The following TBC1D16 variants were observed in gnomAD, a reference collection of about 807,000 sequenced individuals.
TBC1D16 encodes TBC1 domain family member 16.
In TBC1D16, 58 loss-of-function variants were observed where a neutral mutation model predicts 74.7. That is an observed-to-expected ratio of 0.78 (90% CI 0.63 to 0.97). The LOEUF (loss-of-function observed/expected upper bound fraction) is 0.97, where lower values mean the gene tolerates loss of function less well. TBC1D16 is among the 50% of genes least tolerant of loss of function. The probability of loss-of-function intolerance (pLI) is 0.00; values close to 1 mark genes in which losing one functional copy is unlikely to be tolerated. For synonymous variants in TBC1D16, 493 were observed against 474.7 expected, an observed-to-expected ratio of 1.04 and a Z score of -0.50; for missense variants, 1,014 against 1,079.5, an observed-to-expected ratio of 0.94 and a Z score of 0.85.
intron 3 of TBC1D16, among the ~76,000 whole-genome samples, chr17:79,991,211 GC>G (rs1281943099): frequency 6.6e-6 from 1 of 152,252 alleles, no homozygotes; most frequent in Admixed American, 6.5e-5. Context: ...GGCGGTCCCT[GC>G]GTCCACGCCG....
At position 79,960,779 on chromosome 17, in the gene TBC1D16, C is replaced by CAAAAAAAAAAAAAAAAAAA. The variant is rs746450905; in HGVS notation, c.780-7980_780-7962dup. Among the ~76,000 whole-genome samples, 76 of 33,942 alleles carry CAAAAAAAAAAAAAAAAAAA rather than the reference C, an allele frequency of 2.2e-3. 22 individuals carry two copies. The highest frequency in any genetic ancestry group is 3.1e-3 in the Admixed American group (6 of 1,914). 22.3% of individuals were successfully genotyped at this position (33,942 alleles called of 152,430 possible). A position where few individuals can be genotyped will look rare whatever the true frequency, so the allele number is the denominator to read the frequency against. ...CAAAAAAACCCAAAAAACAAAAACC[C>CAAAAAAAAAAAAAAAAAAA]AAAAAAAAAAAAAAAAAAAAAAAAA... On this transcript the variant is annotated intron_variant, in intron 3 of 11. Coordinates refer to ENST00000310924, the MANE Select transcript of TBC1D16 (RefSeq NM_019020.4).
rs2031477711 is a variant in TBC1D16, at chr17:79,934,735, C to G, written c.*6124G>C. The G allele has an allele frequency of 6.6e-6, 1 of 152,492 alleles. No individual in the cohort carries two copies. Among genetic ancestry groups the G allele is most frequent in the African/African-American group, 2.4e-5 (1 of 41,458 alleles). 9.4% of individuals were successfully genotyped at this position (152,492 alleles called of 1,614,324 possible). On this transcript the variant is annotated 3_prime_UTR_variant, in exon 12 of 12. Transcript: ENST00000310924. ...CATGTGGAGAGGAGGTGATGAGGCG[C>G]TCAGATGTCGAGGCCAAGGCCAGGT...
In TBC1D16 at chr17:80,018,106, G is replaced by A. The variant is rs373931709; in HGVS notation, c.-62-4497C>T. Among the ~76,000 whole-genome samples, 17 of 150,090 alleles carry A rather than the reference G, an allele frequency of 1.1e-4. No individual in the cohort carries two copies. In the East Asian group the frequency reaches 1.6e-3, roughly 14 times the overall value. ...AAGCCCTGCAAGAAAATTGCTCGCC[G>A]TCCTCTAGACCAGCCATGTCCAACA... On this transcript the variant is annotated intron_variant, in intron 1 of 11. Coordinates refer to ENST00000310924, the MANE Select transcript of TBC1D16 (RefSeq NM_019020.4).
intron 1 of TBC1D16, among the ~76,000 whole-genome samples, chr17:80,024,636 CCA>C (rs1491156360): frequency 6.4e-5 from 9 of 141,500 alleles, no homozygotes; most frequent in African/African-American, 1.1e-4. Context: ...AGCACACACA[CCA>C]CACACACCAT....
chr17:80,006,617 GCCCAGCCCCTTT>G (rs999838192), intron 3 of TBC1D16, among the ~76,000 whole-genome samples: 1 of 151,944 alleles, frequency 6.6e-6, no homozygotes, highest in Non-Finnish European at 1.5e-5. Flanking sequence ...TCCAGGGCTC[GCCCAGCCCCTTT>G]CAGAATCCAT....
intron 10 of TBC1D16, among the ~76,000 whole-genome samples, chr17:79,943,439 C>T (rs1255617154): frequency 6.6e-6 from 1 of 152,176 alleles, no homozygotes; most frequent in Non-Finnish European, 1.5e-5. Context: ...AGCCCCACCA[C>T]ATGCTGACAG....
At chr17:80,002,593 G>C (rs1349629214) in intron 3 of TBC1D16, among the ~76,000 whole-genome samples, 10 of 152,252 alleles carry the variant, frequency 6.6e-5, no homozygotes. Flanking sequence ...TGGACAGAGA[G>C]TTTTTCGGGC....
At chr17:79,996,854 T>G (rs746696563) in intron 3 of TBC1D16, among the ~76,000 whole-genome samples, 2 of 152,162 alleles carry the variant, frequency 1.3e-5, no homozygotes, top group Non-Finnish European at 2.9e-5. Flanking sequence ...ACATGAATGT[T>G]CCTAGTAGCT....
Position 79,949,802 on chromosome 17 carries a change from A to T in TBC1D16, c.1321T>A (p.Tyr441Asn). ...TCCGACGTGGACTCGTGGCTGTAAT[A>T]GCGCAGCAGGAAGGGCCAGACCTCC... Reference protein sequence around the residue: ...RGEVWPFLLRYYSHESTSEER... With the variant: ...RGEVWPFLLRNYSHESTSEER... The change falls in exon 7 of 12, where the codon TAT (tyrosine) becomes AAT (asparagine). Residue 441 changes from tyrosine to asparagine, a missense_variant. Transcript: ENST00000310924. 1 of 1,613,810 alleles carries T rather than the reference A, an allele frequency of 6.2e-7. No individual in the cohort carries two copies. Among genetic ancestry groups the T allele is most frequent in the South Asian group, 1.1e-5 (1 of 91,072 alleles).
At chr17:80,002,059 G>A (rs1181132661) in intron 3 of TBC1D16, among the ~76,000 whole-genome samples, 5 of 152,144 alleles carry the variant, frequency 3.3e-5, no homozygotes, top group Admixed American at 6.5e-5. Flanking sequence ...GAAAAGGAAC[G>A]GCAGGAAACG....
chr17:79,959,638 G>A (rs116389937), intron 3 of TBC1D16, among the ~76,000 whole-genome samples: 145 of 152,122 alleles, frequency 9.5e-4, no homozygotes, highest in African/African-American at 3.3e-3. Context: ...TTCAATAAAC[G>A]ATACTGGATC....
At chr17:80,024,902 C>T (rs1420432133) in intron 1 of TBC1D16, among the ~76,000 whole-genome samples, 1 of 15,094 alleles carries the variant, frequency 6.6e-5, no homozygotes, top group South Asian at 1.2e-3. Flanking sequence ...ACTGCATAAA[C>T]ATCACACACA....
chr17:79,981,921 GCA>G lies in TBC1D16; in HGVS notation c.779+28237_779+28238del, dbSNP rs138103832. Among the ~76,000 whole-genome samples the G allele has an allele frequency of 1.3e-5, 2 of 151,724 alleles. No homozygotes were observed. Among genetic ancestry groups the G allele is most frequent in the South Asian group, 2.1e-4 (1 of 4,806 alleles). On this transcript the variant is annotated intron_variant, in intron 3 of 11. Coordinates refer to ENST00000310924, the MANE Select transcript of TBC1D16 (RefSeq NM_019020.4). The surrounding 1 kb of genome is among the most constrained non-coding windows in gnomAD (Gnocchi z 6.9). ...GGCTTCCCTGTGCGCACACACACACGCACACACACACACATGCACATGTATTA... is the reference window on the plus strand; with the variant it reads ...GGCTTCCCTGTGCGCACACACACACGCACACACACACATGCACATGTATTA...
At chr17:80,028,535 G>GA (rs1289894784) in intron 1 of TBC1D16, among the ~76,000 whole-genome samples, 2 of 144,388 alleles carry the variant, frequency 1.4e-5, no homozygotes, top group African/African-American at 5.4e-5. Flanking sequence ...TCTCAAAAAA[G>GA]AAAAAGAAAA....
In TBC1D16 at chr17:80,009,009, C is replaced by T. The variant is rs2035779271; in HGVS notation, c.779+1151G>A. 6.6e-6 allele frequency among the ~76,000 whole-genome samples: 1 copy of T among 152,200 alleles called. No individual in the cohort carries two copies. Among genetic ancestry groups the T allele is most frequent in the Admixed American group, 6.5e-5 (1 of 15,286 alleles). ...CGGGCACTGGCTGGGAGACCCCTGG[C>T]AAGCTGCTGACCTTCTCCGAGCCGC... On this transcript the variant is annotated intron_variant, in intron 3 of 11. Coordinates refer to ENST00000310924, the MANE Select transcript of TBC1D16 (RefSeq NM_019020.4). The surrounding 1 kb of genome is among the most constrained non-coding windows in gnomAD (Gnocchi z 5.4).
intron 1 of TBC1D16, among the ~76,000 whole-genome samples, chr17:80,030,993 G>A (rs1220586219): frequency 6.6e-6 from 1 of 152,192 alleles, no homozygotes; most frequent in Non-Finnish European, 1.5e-5. Flanking sequence ...CGCAAACAAG[G>A]ATCGCGTTGC....
intron 9 of TBC1D16, 146 bp from the exon 10 acceptor site, chr17:79,945,233 C>A (rs1429722184): frequency 8.5e-6 from 7 of 826,880 alleles, no homozygotes; most frequent in Non-Finnish European, 1.3e-5. Context: ...ATGTGCCTGC[C>A]CCCCCAACGC....
In TBC1D16 at chr17:79,983,526, G is replaced by A. The variant is rs1378274810; in HGVS notation, c.779+26634C>T. 6.6e-6 allele frequency among the ~76,000 whole-genome samples: 1 copy of A among 152,238 alleles called. No homozygotes were observed. The highest frequency in any genetic ancestry group is 1.5e-5 in the Non-Finnish European group (1 of 68,040). ...CCCCCTATTGGAGTGAGCACCCGCAGCACCTCAGGCACGGGGAGCTGAGCC... is the reference window on the plus strand; with the variant it reads ...CCCCCTATTGGAGTGAGCACCCGCAACACCTCAGGCACGGGGAGCTGAGCC... On this transcript the variant is annotated intron_variant, in intron 3 of 11. Transcript: ENST00000310924. The surrounding 1 kb of genome is among the most constrained non-coding windows in gnomAD (Gnocchi z 5.6).
chr17:79,965,537 G>A lies in TBC1D16; in HGVS notation c.780-12719C>T, dbSNP rs180994274. Among the ~76,000 whole-genome samples the A allele has an allele frequency of 2.1e-3, 326 of 152,230 alleles. 2 individuals are homozygous for A. The highest frequency in any genetic ancestry group is 6.8e-3 in the Middle Eastern group (2 of 294). On this transcript the variant is annotated intron_variant, in intron 3 of 11. Transcript: ENST00000310924. Reference sequence around the variant, plus strand: ...CTGTGTGCCAGGAGCTCTCCTAATTGCTTTGAAGACTTCCTTACATAAACC... The same window carrying A: ...CTGTGTGCCAGGAGCTCTCCTAATTACTTTGAAGACTTCCTTACATAAACC...
Sources: allele counts gnomAD v4.1 joint callset (sites outside exome capture counted in the v4.1 genomes callset), GRCh38; gene constraint gnomAD v4.1.1; non-coding constraint Gnocchi (gnomAD v3.1); transcripts MANE v1.5; gene names NCBI Gene and HGNC (gene_info 2026-07-23, HGNC 2026-07-21).